Variants in PHC2 observed in about 807,000 individuals in gnomAD.
PHC2 encodes polyhomeotic-like protein 2.
PHC2 carries 29 observed loss-of-function variants against 87.4 expected under a neutral mutation model. The observed-to-expected ratio is 0.33, with a 90% CI of 0.25 to 0.45. The LOEUF (loss-of-function observed/expected upper bound fraction) is 0.45. Among genes scored for constraint, PHC2 ranks in the 20% least tolerant of loss-of-function variants. The pLI is 1.00. For synonymous variants in PHC2, 438 were observed against 461.7 expected (o/e 0.95, Z 0.66); for missense variants, 857 against 1,136.7 (o/e 0.75, Z 3.54).
chr1:33,414,202 C>T (rs1650108461), intron 1 of PHC2, among the ~76,000 whole-genome samples: 1 of 151,826 alleles, frequency 6.6e-6, no homozygotes, highest in South Asian at 2.1e-4. Flanking sequence ...CACACACACA[C>T]ACACACACAC....
chr1:33,399,336 GCTCACA>G (rs67165717), intron 1 of PHC2, among the ~76,000 whole-genome samples: 26,038 of 152,002 alleles, frequency 0.17, 2,719 homozygotes, highest in South Asian at 0.27. Context: ...TGGACACTGA[GCTCACA>G]AGGGCCACAT....
At chr1:33,366,171 G>A (rs2148315992) in intron 7 of PHC2, among the ~76,000 whole-genome samples, 1 of 152,362 alleles carries the variant, frequency 6.6e-6, no homozygotes, top group East Asian at 1.9e-4. Flanking sequence ...TAGATTGGAT[G>A]GTAAAATGGT....
rs201451687 is a variant in PHC2 at position 33,328,825 on chromosome 1, T to C, written c.2425+45A>G. 3.0e-3 allele frequency: 4,633 copies of C among 1,555,492 alleles called. 7 individuals carry two copies. Among genetic ancestry groups the C allele is most frequent in the Non-Finnish European group, 3.5e-3 (3,971 of 1,146,316 alleles). The stretch of plus-strand genomic sequence containing the variant: ...TGGTGGGAGGGTCTCTCATTTTCTC[T>C]TTCCTTGCTATTCCGGGGAGACATG... On this transcript the variant is annotated intron_variant, in intron 14 of 14. Transcript: ENST00000683057.
Position 33,355,263 on chromosome 1 carries a change from G to A in PHC2, c.977-10C>T. The A allele has an allele frequency of 6.4e-7, 1 of 1,555,010 alleles. No individual in the cohort carries two copies. The highest frequency in any genetic ancestry group is 2.3e-5 in the East Asian group (1 of 44,286). ...TGCAGCTGAGCATAGGCTGAAAGGGGAAAGGCCAGGTTAGAGAGCATGGCT... is the reference window on the plus strand; with the variant it reads ...TGCAGCTGAGCATAGGCTGAAAGGGAAAAGGCCAGGTTAGAGAGCATGGCT... On this transcript the variant is annotated splice_polypyrimidine_tract_variant and intron_variant, in intron 7 of 14. Coordinates refer to ENST00000683057, the MANE Select transcript of PHC2 (RefSeq NM_001385109.1).
In PHC2 at chr1:33,332,133, G is replaced by A; in HGVS notation, c.1891+142C>T. 2.3e-6 allele frequency: 2 copies of A among 866,994 alleles called. No individual in the cohort carries two copies. Among genetic ancestry groups the A allele is most frequent in the Admixed American group, 2.4e-5 (1 of 41,112 alleles). The allele number at this position is 866,994 out of a possible 1,614,324, so 53.7% of individuals were successfully genotyped here. Reference sequence around the variant, plus strand: ...TCCCCTATCCCTCTTTTTGAGGGAAGGAGGCTGAGGAGGTGCTGGGGGAAA... The same window carrying A: ...TCCCCTATCCCTCTTTTTGAGGGAAAGAGGCTGAGGAGGTGCTGGGGGAAA... On this transcript the variant is annotated intron_variant, in intron 11 of 14. Transcript: ENST00000683057. This position sits in a 1 kb window ranked among gnomAD's most constrained non-coding sequence, Gnocchi z 4.2.
chr1:33,385,006 G>A (rs953057111), intron 1 of PHC2, among the ~76,000 whole-genome samples: 10 of 152,212 alleles, frequency 6.6e-5, no homozygotes, highest in African/African-American at 2.4e-4. Context: ...GAAACTATTA[G>A]TAGCCATTAG....
In PHC2 at chr1:33,368,784, C is replaced by T. The variant is rs958322988; in HGVS notation, c.577-162G>A. On this transcript the variant is annotated intron_variant, in intron 5 of 14. Transcript: ENST00000683057. This position sits in a 1 kb window ranked among gnomAD's most constrained non-coding sequence, Gnocchi z 6.6. ...GCCCAGGAGCGGCTATGAGGAAGGG[C>T]AGGACAGTAGAAGCAGAAAGGAAGG... 2.4e-4 allele frequency among the ~76,000 whole-genome samples: 37 copies of T among 152,132 alleles called. No individual in the cohort carries two copies. The highest frequency in any genetic ancestry group is 2.2e-4 in the Non-Finnish European group (15 of 68,018).
chr1:33,372,547 C>CG, intron 2 of PHC2, 100 bp from the exon 3 acceptor site: 1 of 1,046,780 alleles, frequency 9.6e-7, no homozygotes. Context: ...TATAACTGCT[C>CG]GGGAGACACC....
chr1:33,330,073 GCTT>G lies in PHC2; in HGVS notation c.2143_2145del (p.Lys715del). 1 of 1,613,672 alleles carries G rather than the reference GCTT, an allele frequency of 6.2e-7. No homozygotes were observed. Among genetic ancestry groups the G allele is most frequent in the African/African-American group, 1.3e-5 (1 of 75,048 alleles). On this transcript the variant is annotated inframe_deletion, in exon 13 of 15. Transcript: ENST00000683057. ...TTCAGGCTCTGCCCGCCTCTTACCT[GCTT>G]CTTGGTATCCTTGGTAAGTGGTGGC...
At chr1:33,390,123 G>A (rs769909412) in intron 1 of PHC2, among the ~76,000 whole-genome samples, 3 of 152,098 alleles carry the variant, frequency 2.0e-5, no homozygotes, top group Non-Finnish European at 2.9e-5. Context: ...GTTCCTAGTC[G>A]GTGGAGGGGT....
At chr1:33,387,795 T>A (rs527822288) in intron 1 of PHC2, among the ~76,000 whole-genome samples, 1 of 152,232 alleles carries the variant, frequency 6.6e-6, no homozygotes, top group African/African-American at 2.4e-5. Context: ...TCAGTTCTTA[T>A]GAAGTTCACT....
At chr1:33,388,791 T>C (rs1648901028) in intron 1 of PHC2, among the ~76,000 whole-genome samples, 1 of 152,148 alleles carries the variant, frequency 6.6e-6, no homozygotes, top group Non-Finnish European at 1.5e-5. Flanking sequence ...TTTAGATCAG[T>C]GATTACATGA....
At chr1:33,372,261 C>T in intron 3 of PHC2, 28 bp downstream of exon 3, 1 of 1,484,312 alleles carries the variant, frequency 6.7e-7, no homozygotes, top group Non-Finnish European at 9.0e-7. Flanking sequence ...TGCCTGGCAC[C>T]AGCCTCAAGG....
At position 33,330,228 on chromosome 1, in the gene PHC2, A is replaced by G. The variant is rs199956445; in HGVS notation, c.2007-16T>C. Reference sequence around the variant, plus strand: ...CACGTTGTACCTTCAGGGACAGGGGAACAGGGGATGTCACAGTAGTCATTG... The same window carrying G: ...CACGTTGTACCTTCAGGGACAGGGGGACAGGGGATGTCACAGTAGTCATTG... On this transcript the variant is annotated splice_polypyrimidine_tract_variant and intron_variant, in intron 12 of 14. Coordinates refer to ENST00000683057, the MANE Select transcript of PHC2 (RefSeq NM_001385109.1). The G allele has an allele frequency of 6.2e-7, 1 of 1,613,450 alleles. No homozygotes were observed. Among genetic ancestry groups the G allele is most frequent in the East Asian group, 2.2e-5 (1 of 44,862 alleles).
chr1:33,368,454 C>CT lies in PHC2; in HGVS notation c.663+81dup. The CT allele has an allele frequency of 1.4e-6, 1 of 730,680 alleles. No homozygotes were observed. Among genetic ancestry groups the CT allele is most frequent in the Non-Finnish European group, 2.2e-6 (1 of 449,046 alleles). The allele number at this position is 730,680 out of a possible 1,614,324, so 45.3% of individuals were successfully genotyped here. A position where few individuals can be genotyped will look rare whatever the true frequency, so the allele number is the denominator to read the frequency against. ...CTGCTTTCCTAGCTGATCCCGGCCT[C>CT]TCCTTGTGCCCCTCCCCAGTATCAG... On this transcript the variant is annotated intron_variant, in intron 6 of 14. Transcript: ENST00000683057. This position sits in a 1 kb window ranked among gnomAD's most constrained non-coding sequence, Gnocchi z 6.6.
At chr1:33,376,715 G>C (rs1419917264) in intron 1 of PHC2, among the ~76,000 whole-genome samples, 1 of 152,208 alleles carries the variant, frequency 6.6e-6, no homozygotes. Context: ...CAGATCACGA[G>C]GTCAAGAGAT....
At chr1:33,350,320 G>A (rs1285582873) in intron 9 of PHC2, 9 of 152,276 alleles carry the variant, frequency 5.9e-5, no homozygotes, top group African/African-American at 1.9e-4. Flanking sequence ...GGGAACCGAG[G>A]ATCAGAGGGA....
intron 9 of PHC2, among the ~76,000 whole-genome samples, chr1:33,352,999 C>G (rs556409639): frequency 1.3e-5 from 2 of 152,178 alleles, no homozygotes; most frequent in African/African-American, 4.8e-5. Context: ...TCCTCCCTAC[C>G]GTAAAACATG....
intron 1 of PHC2, among the ~76,000 whole-genome samples, chr1:33,416,575 C>CAAAAA (rs1164520486): frequency 4.3e-5 from 1 of 23,118 alleles, no homozygotes. Flanking sequence ...GATTCTGTCT[C>CAAAAA]AAAAAAAAGA....
Sources: allele counts gnomAD v4.1 joint callset (sites outside exome capture counted in the v4.1 genomes callset), GRCh38; gene constraint gnomAD v4.1.1; non-coding constraint Gnocchi (gnomAD v3.1); transcripts MANE v1.5; gene names NCBI Gene and HGNC (gene_info 2026-07-23, HGNC 2026-07-21).